ABL1: variants seen among roughly 807,000 people sequenced by gnomAD.
ABL1 encodes the protein ABL proto-oncogene 1, non-receptor tyrosine kinase, also known as tyrosine-protein kinase ABL1.
ABL1 carries 11 observed loss-of-function variants against 94.7 expected under a neutral mutation model. That is an observed-to-expected ratio of 0.12 (90% confidence interval 0.07 to 0.19). The LOEUF is 0.19. ABL1 is among the 10% of genes least tolerant of loss of function. ABL1 has a pLI of 1.00. For missense variants in ABL1, 1,082 were observed against 1,489.4 expected, an observed-to-expected ratio of 0.73 and a Z score of 4.50; for synonymous variants, 656 against 622.4, an observed-to-expected ratio of 1.05 and a Z score of -0.80.
chr9:130,748,615 G>A (rs1430121288), intron 1 of ABL1, among the ~76,000 whole-genome samples: 3 of 148,402 alleles, frequency 2.0e-5, no homozygotes, highest in South Asian at 2.1e-4. Flanking sequence ...TTGCTCTGTC[G>A]CCCACACTGG....
At chr9:130,871,883 T>A (rs1831256650) in intron 4 of ABL1, among the ~76,000 whole-genome samples, 1 of 152,242 alleles carries the variant, frequency 6.6e-6, no homozygotes, top group South Asian at 2.1e-4. Flanking sequence ...TGTCGGCACA[T>A]GCAAGCCAGC....
At chr9:130,791,648 C>A (rs546130123) in intron 1 of ABL1, among the ~76,000 whole-genome samples, 27 of 152,226 alleles carry the variant, frequency 1.8e-4, no homozygotes, top group African/African-American at 6.3e-4. Flanking sequence ...TCCTCCTGCC[C>A]GTCCACATAA....
chr9:130,811,899 G>A (rs1256620856), intron 1 of ABL1, among the ~76,000 whole-genome samples: 3 of 114,710 alleles, frequency 2.6e-5, no homozygotes, highest in African/African-American at 3.3e-5. Context: ...GCGACAGAGT[G>A]AGACTCCGTC....
At chr9:130,757,485 C>T (rs1446262297) in intron 1 of ABL1, among the ~76,000 whole-genome samples, 1 of 149,600 alleles carries the variant, frequency 6.7e-6, no homozygotes, top group Non-Finnish European at 1.5e-5. Flanking sequence ...CCGCTTGGGC[C>T]TGGGAAGCAG....
At chr9:130,881,990 T>C (rs1831465004) in intron 10 of ABL1, among the ~76,000 whole-genome samples, 2 of 152,180 alleles carry the variant, frequency 1.3e-5, no homozygotes, top group Admixed American at 6.5e-5. Flanking sequence ...AACGCACATT[T>C]AAAAGGCTTG....
At chr9:130,804,173 G>C (rs918209058) in intron 1 of ABL1, among the ~76,000 whole-genome samples, 1 of 151,858 alleles carries the variant, frequency 6.6e-6, no homozygotes, top group African/African-American at 2.4e-5. Context: ...TGGCTAACAC[G>C]GTGAAACCCT....
At chr9:130,876,733 CTTTTTTTTTT>C (rs755840936) in intron 7 of ABL1, among the ~76,000 whole-genome samples, 1,224 of 83,210 alleles carry the variant, frequency 0.015, 20 homozygotes, top group Non-Finnish European at 0.02. Flanking sequence ...AAGTTGGTTT[CTTTTTTTTTT>C]TTTTTTTTTT....
intron 1 of ABL1, among the ~76,000 whole-genome samples, chr9:130,760,495 C>G (rs1230592558): frequency 6.6e-6 from 1 of 152,144 alleles, no homozygotes; most frequent in East Asian, 1.9e-4. Context: ...GTATTCTGAT[C>G]TTTTTCAAGT....
chr9:130,738,716 T>G (rs1178191006), intron 1 of ABL1, among the ~76,000 whole-genome samples: 1 of 152,234 alleles, frequency 6.6e-6, no homozygotes, highest in Non-Finnish European at 1.5e-5. Context: ...CATGGAAAAT[T>G]GGTTTTGTTA....
intron 1 of ABL1, among the ~76,000 whole-genome samples, chr9:130,783,021 ACT>A (rs1829777892): frequency 6.6e-6 from 1 of 152,138 alleles, no homozygotes; most frequent in African/African-American, 2.4e-5. Flanking sequence ...GAACAAGAAC[ACT>A]CTCTTACACC....
intron 1 of ABL1, among the ~76,000 whole-genome samples, chr9:130,722,897 A>T (rs898752750): frequency 1.3e-5 from 2 of 152,204 alleles, no homozygotes; most frequent in Admixed American, 1.3e-4. Flanking sequence ...AAAAATGTGA[A>T]ATCATTTTGT....
chr9:130,846,081 C>CTGTGTGTGTGTGTGTG (rs10554440), intron 1 of ABL1, among the ~76,000 whole-genome samples: 4 of 148,062 alleles, frequency 2.7e-5, no homozygotes, highest in Non-Finnish European at 4.5e-5. Context: ...AAACGTATGT[C>CTGTGTGTGTGTGTGTG]TGTGTGTGTG....
At chr9:130,859,396 A>AGTG (rs926441841) in intron 3 of ABL1, among the ~76,000 whole-genome samples, 3 of 152,190 alleles carry the variant, frequency 2.0e-5, no homozygotes, top group African/African-American at 7.2e-5. Context: ...CCGCCCTGAC[A>AGTG]GTGGCTCAGC....
intron 1 of ABL1, among the ~76,000 whole-genome samples, chr9:130,825,860 A>T (rs1830418701): frequency 6.6e-6 from 1 of 152,238 alleles, no homozygotes; most frequent in South Asian, 2.1e-4. Context: ...TGGATTTAAG[A>T]ATTTAGAGTT....
intron 3 of ABL1, among the ~76,000 whole-genome samples, chr9:130,858,579 G>A (rs941130164): frequency 2.0e-5 from 3 of 152,162 alleles, no homozygotes; most frequent in Non-Finnish European, 4.4e-5. Context: ...GGTGTATTGG[G>A]TGGGATCGTA....
chr9:130,763,857 G>A (rs1013559620), intron 1 of ABL1, among the ~76,000 whole-genome samples: 5 of 151,968 alleles, frequency 3.3e-5, no homozygotes, highest in Admixed American at 6.6e-5. Context: ...CAAATGTGCC[G>A]GGAATCAGTG....
intron 1 of ABL1, among the ~76,000 whole-genome samples, chr9:130,753,115 G>A (rs373578474): frequency 2.2e-3 from 328 of 150,482 alleles, no homozygotes; most frequent in African/African-American, 7.7e-3. Context: ...AAATTAGCTG[G>A]GCATGGTGGC....
At chr9:130,769,329 CTTTTTTTTTTTT>C (rs372838676) in intron 1 of ABL1, among the ~76,000 whole-genome samples, 5 of 84,320 alleles carry the variant, frequency 5.9e-5, no homozygotes, top group Non-Finnish European at 6.8e-5. Flanking sequence ...TGGCCCTAGT[CTTTTTTTTTTTT>C]TTTTTTTTTT....
At chr9:130,836,824 CAAAAAAAAAA>C (rs565723193) in intron 1 of ABL1, among the ~76,000 whole-genome samples, 12 of 77,210 alleles carry the variant, frequency 1.6e-4, no homozygotes, top group East Asian at 4.6e-4. Flanking sequence ...GACTCGGTCT[CAAAAAAAAAA>C]AAAAAAAAAA....
Sources: gnomAD v4.1 joint callset for allele counts (sites outside exome capture counted in the v4.1 genomes callset) on GRCh38, gnomAD v4.1.1 for gene constraint, MANE v1.5 for transcripts, NCBI Gene and HGNC (gene_info 2026-07-23, HGNC 2026-07-21) for gene names.